The following MYDGF variants were observed in gnomAD, a reference collection of about 807,000 sequenced individuals.
MYDGF encodes myeloid derived growth factor.
In MYDGF, 29 loss-of-function variants were observed where a neutral mutation model predicts 24.2. The ratio of observed to expected loss-of-function variants is 1.20; its 90% CI spans 0.89 to 1.63. The LOEUF is 1.63. Among genes scored for constraint, MYDGF ranks in the 40% most tolerant of loss-of-function variants. The probability of loss-of-function intolerance (pLI) is 0.00; values close to 1 mark genes in which losing one functional copy is unlikely to be tolerated. For synonymous variants in MYDGF, 105 were observed against 102.5 expected, an observed-to-expected ratio of 1.02 and a Z score of -0.15; for missense variants, 245 against 234.8, an observed-to-expected ratio of 1.04 and a Z score of -0.29.
At position 4,666,366 on chromosome 19, in the gene MYDGF, C is replaced by T. The variant is rs201338344; in HGVS notation, c.226-1429G>A. On this transcript the variant is annotated intron_variant, in intron 2 of 5. Transcript: ENST00000262947. ...TCTCAGCTCACTGCAACCTCTGCCT[C>T]GTGGGTTCAAGCGATTCTCCTGCCT... Among the ~76,000 whole-genome samples, 18 of 151,676 alleles carry T rather than the reference C, an allele frequency of 1.2e-4. No individual in the cohort carries two copies. In the East Asian group the frequency reaches 3.3e-3, roughly 28 times the overall value.
chr19:4,665,151 G>C (rs987368108), intron 2 of MYDGF, among the ~76,000 whole-genome samples: 10 of 152,228 alleles, frequency 6.6e-5, no homozygotes, highest in Admixed American at 6.5e-4. Context: ...TCCCATAAAA[G>C]TGGTGCCTCT....
chr19:4,666,277 C>CTT (rs556392738), intron 2 of MYDGF, among the ~76,000 whole-genome samples: 17 of 141,524 alleles, frequency 1.2e-4, no homozygotes, highest in South Asian at 2.3e-4. Context: ...TACAGTTTTA[C>CTT]TTTTTTTTTT....
At chr19:4,659,638 A>C in intron 5 of MYDGF, 1 of 492,404 alleles carries the variant, frequency 2.0e-6, no homozygotes, top group Non-Finnish European at 3.6e-6. Flanking sequence ...CTGCGGTAAC[A>C]GGCATGAGCC....
At chr19:4,665,380 T>C (rs917401212) in intron 2 of MYDGF, among the ~76,000 whole-genome samples, 2 of 152,024 alleles carry the variant, frequency 1.3e-5, no homozygotes, top group African/African-American at 2.4e-5. Flanking sequence ...CTAATTTTTG[T>C]GTTTTGTAGA....
intron 5 of MYDGF, chr19:4,659,631 C>T (rs953569051): frequency 6.5e-5 from 32 of 489,598 alleles, no homozygotes; most frequent in Admixed American, 1.0e-4. Context: ...TGAGCAGCTG[C>T]GGTAACAGGC....
intron 3 of MYDGF, among the ~76,000 whole-genome samples, chr19:4,664,535 G>C (rs968564834): frequency 6.6e-6 from 1 of 151,006 alleles, no homozygotes; most frequent in Non-Finnish European, 1.5e-5. Context: ...TGGTGAGTTC[G>C]TCTCACCCTT....
Position 4,658,510 on chromosome 19 carries a change from G to C in MYDGF, c.443-426C>G, listed in dbSNP as rs182310498. ...AGGCCCTCATGACACTTCTCCAGCA[G>C]GGTCAGAACTCTGGCTTCCACTGCT... On this transcript the variant is annotated intron_variant, in intron 5 of 5. Transcript: ENST00000262947. Among the ~76,000 whole-genome samples the C allele has an allele frequency of 1.4e-3, 206 of 152,268 alleles. 1 individual carries two copies. The highest frequency in any genetic ancestry group is 4.7e-3 in the African/African-American group (196 of 41,548).
At chr19:4,664,251 C>T (rs1047704447) in intron 3 of MYDGF, among the ~76,000 whole-genome samples, 15 of 152,100 alleles carry the variant, frequency 9.9e-5, no homozygotes, top group Admixed American at 5.2e-4. Flanking sequence ...TGGCTGCACA[C>T]CTCTGAGAAA....
chr19:4,668,157 C>T (rs532556344), intron 2 of MYDGF, among the ~76,000 whole-genome samples: 1 of 152,230 alleles, frequency 6.6e-6, no homozygotes, highest in South Asian at 2.1e-4. Context: ...CGAACTTTGA[C>T]CTCAGGTGAT....
At chr19:4,668,736 C>T in intron 1 of MYDGF, 91 bp from the exon 2 acceptor site, 1 of 1,107,912 alleles carries the variant, frequency 9.0e-7, no homozygotes, top group Non-Finnish European at 1.4e-6. Flanking sequence ...AGCTGGAGTG[C>T]AGGGGCACAA....
Position 4,664,875 on chromosome 19 carries a change from C to T in MYDGF, c.287+1G>A. The stretch of plus-strand genomic sequence containing the variant: ...AATGCCATCCCCACCCCGAGTCTCA[C>T]CTCCAGATGGTGCAGGTGAAGTGCT... On this transcript the variant is annotated splice_donor_variant, in intron 3 of 5. Transcript: ENST00000262947. LOFTEE classifies it high-confidence loss of function. 3 of 1,612,672 alleles carry T rather than the reference C, an allele frequency of 1.9e-6. No individual in the cohort carries two copies. The highest frequency in any genetic ancestry group is 2.5e-6 in the Non-Finnish European group (3 of 1,179,720).
rs1444134751 is a variant in MYDGF at position 4,662,378 on chromosome 19, G to C, written c.288-1628C>G. 2.0e-5 allele frequency among the ~76,000 whole-genome samples: 3 copies of C among 152,214 alleles called. No homozygotes were observed. In the East Asian group the frequency reaches 5.8e-4, roughly 29 times the overall value. On this transcript the variant is annotated intron_variant, in intron 3 of 5. Transcript: ENST00000262947. ...TTGGGCTGAGACATTCTGGGCCAAGGATCAGGGAAGAAGGGACAAGATTCC... is the reference window on the plus strand; with the variant it reads ...TTGGGCTGAGACATTCTGGGCCAAGCATCAGGGAAGAAGGGACAAGATTCC...
intron 2 of MYDGF, among the ~76,000 whole-genome samples, chr19:4,667,721 T>G (rs1282734231): frequency 6.6e-6 from 1 of 152,102 alleles, no homozygotes; most frequent in African/African-American, 2.4e-5. Context: ...AGACTTTTTT[T>G]TTTTTTGAGA....
chr19:4,665,820 CAAAAAAAAAA>C (rs533879529), intron 2 of MYDGF, among the ~76,000 whole-genome samples: 6 of 45,478 alleles, frequency 1.3e-4, no homozygotes, highest in South Asian at 1.0e-3. Context: ...GACTCTGTCT[CAAAAAAAAAA>C]AAAAAAAAAA....
At chr19:4,664,740 A>C in intron 3 of MYDGF, 136 bp downstream of exon 3, 1 of 913,876 alleles carries the variant, frequency 1.1e-6, no homozygotes, top group Non-Finnish European at 1.6e-6. Context: ...CCCCACCTGC[A>C]CGTGCATGAG....
chr19:4,668,679 A>C, intron 1 of MYDGF, 34 bp from the exon 2 acceptor site: 1 of 1,588,032 alleles, frequency 6.3e-7, no homozygotes, highest in Non-Finnish European at 8.6e-7. Flanking sequence ...GGTTTGGTAG[A>C]AGGAAATTTT....
intron 2 of MYDGF, among the ~76,000 whole-genome samples, chr19:4,666,448 G>C (rs1326202183): frequency 6.6e-6 from 1 of 151,782 alleles, no homozygotes; most frequent in African/African-American, 2.4e-5. Context: ...GCTAACTTTT[G>C]TATTTTCAGT....
intron 4 of MYDGF, among the ~76,000 whole-genome samples, chr19:4,660,224 C>T (rs549669665): frequency 6.6e-6 from 1 of 152,276 alleles, no homozygotes; most frequent in East Asian, 1.9e-4. Flanking sequence ...GTCCTGGACT[C>T]AAGTGATCCT....
rs758666045 is a variant in MYDGF, at chr19:4,668,616, G to A, written c.204C>T (p.Ala68=). The change falls in exon 2 of 6, where the codon GCC becomes GCT. Residue 68 remains alanine (A), a synonymous_variant. Coordinates refer to ENST00000262947, the MANE Select transcript of MYDGF (RefSeq NM_019107.4). The stretch of plus-strand genomic sequence containing the variant: ...TCACCTCATTGGTCCCTCCTTGAGA[G>A]GCGTAAGTGAACATACACGTATATT... The part of the protein sequence containing the change: ...GDKYTCMFTY[A]SQGGTNEQWQ... 7 of 1,613,244 alleles carry A rather than the reference G, an allele frequency of 4.3e-6. No individual in the cohort carries two copies. The highest frequency in any genetic ancestry group is 5.9e-6 in the Non-Finnish European group (7 of 1,179,410).
Sources: gnomAD v4.1 joint callset for allele counts (sites outside exome capture counted in the v4.1 genomes callset) on GRCh38, gnomAD v4.1.1 for gene constraint, MANE v1.5 for transcripts, NCBI Gene and HGNC (gene_info 2026-07-23, HGNC 2026-07-21) for gene names.